Variants in CEP63 observed in about 807,000 individuals in gnomAD.
CEP63 encodes centrosomal protein 63.
CEP63 carries 84 observed loss-of-function variants against 89.1 expected under a neutral mutation model. That is an observed-to-expected ratio of 0.94 (90% CI 0.79 to 1.13). CEP63 has a LOEUF of 1.13. Among genes scored for constraint, CEP63 ranks in the 50% most tolerant of loss-of-function variants. The pLI, the probability that CEP63 is intolerant of heterozygous loss-of-function variation, is 0.00. For missense variants in CEP63, 838 were observed against 813.3 expected, an observed-to-expected ratio of 1.03 and a Z score of -0.37; for synonymous variants, 267 against 272.5, an observed-to-expected ratio of 0.98 and a Z score of 0.20.
chr3:134,670,510 A>G, the CEP63 span, among the ~76,000 whole-genome samples: 2 of 152,358 alleles, frequency 1.3e-5, no homozygotes, highest in South Asian at 2.1e-4. Context: ...GGAGTCAGCC[A>G]GCCATGGAAC....
At chr3:134,675,729 A>G in the CEP63 span, among the ~76,000 whole-genome samples, 1 of 152,258 alleles carries the variant, frequency 6.6e-6, no homozygotes, top group Non-Finnish European at 1.5e-5. Flanking sequence ...CTTTGAATAT[A>G]CATTTCTCCA....
the CEP63 span, among the ~76,000 whole-genome samples, chr3:134,629,881 C>A: frequency 2.4e-4 from 36 of 152,230 alleles, no homozygotes; most frequent in African/African-American, 7.7e-4. Flanking sequence ...CAGATTCAGG[C>A]AAGATGGAGT....
chr3:134,604,916 G>T, the CEP63 span, among the ~76,000 whole-genome samples: 1 of 152,168 alleles, frequency 6.6e-6, no homozygotes, highest in East Asian at 1.9e-4. Context: ...TGTCAATGCT[G>T]TCATGTCAAC....
the CEP63 span, among the ~76,000 whole-genome samples, chr3:134,775,835 G>A: frequency 2.6e-5 from 4 of 152,144 alleles, no homozygotes; most frequent in Admixed American, 2.6e-4. Context: ...CATTTGATGT[G>A]GAATGGTGCC....
At chr3:134,604,207 C>A in the CEP63 span, 1 of 1,612,642 alleles carries the variant, frequency 6.2e-7, no homozygotes. Flanking sequence ...CCAGCTGGGG[C>A]CCACGGGCTG....
chr3:134,569,869 A>G (rs951949389), downstream of CEP63, among the ~76,000 whole-genome samples: 1 of 152,150 alleles, frequency 6.6e-6, no homozygotes, highest in Non-Finnish European at 1.5e-5. Flanking sequence ...GCGTTTCTAT[A>G]CACCCTCTGA....
the CEP63 span, chr3:134,610,428 T>G: frequency 1.9e-6 from 3 of 1,555,296 alleles, no homozygotes; most frequent in Admixed American, 5.3e-5. Context: ...CCGCTGTGGC[T>G]TGCCTCCAAG....
chr3:134,486,109 T>TA lies in CEP63; in HGVS notation c.-115dup. Reference sequence around the variant, plus strand: ...CTGGAGAAGGCATTGTTTCAATTATTAAAAGTGTGGGGGCAGTGGGCGGAA... The same window carrying TA: ...CTGGAGAAGGCATTGTTTCAATTATTAAAAAGTGTGGGGGCAGTGGGCGGAA... On this transcript the variant is annotated 5_prime_UTR_variant, in exon 1 of 15. Transcript: ENST00000675561. 1.0e-6 allele frequency: 1 copy of TA among 985,474 alleles called. No individual in the cohort carries two copies. Among genetic ancestry groups the TA allele is most frequent in the Non-Finnish European group, 1.2e-6 (1 of 830,008 alleles). The allele number at this position is 985,474 out of a possible 1,614,324, so 61.0% of individuals were successfully genotyped here. A position where few individuals can be genotyped will look rare whatever the true frequency, so the allele number is the denominator to read the frequency against.
At chr3:134,699,005 C>T in the CEP63 span, among the ~76,000 whole-genome samples, 3 of 152,158 alleles carry the variant, frequency 2.0e-5, no homozygotes, top group Non-Finnish European at 4.4e-5. Context: ...ACTGAGGCCT[C>T]TCACTACTTG....
the CEP63 span, chr3:134,627,962 A>G: frequency 3.0e-6 from 2 of 659,240 alleles, no homozygotes; most frequent in East Asian, 2.7e-5. Flanking sequence ...CACCCCACTG[A>G]CCACTGAATT....
chr3:134,769,584 A>T, the CEP63 span, among the ~76,000 whole-genome samples: 1 of 152,248 alleles, frequency 6.6e-6, no homozygotes, highest in Non-Finnish European at 1.5e-5. Flanking sequence ...TGCCTTGTAC[A>T]TAATTGAAGT....
rs561635108 is a variant in CEP63 at position 134,580,339 on chromosome 3, T to C, written c.1207-7119T>C. ...GTATGTGGAAGCTTTCTGGGGTAAC[T>C]GAAATGTTCTAAAACTGGATTGTGG... On this transcript the variant is annotated intron_variant, in intron 10 of 10. Transcript: ENST00000683931. 3.3e-5 allele frequency among the ~76,000 whole-genome samples: 5 copies of C among 152,258 alleles called. No individual in the cohort carries two copies. In the East Asian group the frequency reaches 9.6e-4, roughly 29 times the overall value.
chr3:134,487,461 C>T (rs904072055), intron 1 of CEP63, among the ~76,000 whole-genome samples: 1 of 152,184 alleles, frequency 6.6e-6, no homozygotes, highest in Non-Finnish European at 1.5e-5. Flanking sequence ...CATTTCCTCT[C>T]GTTAAAATGG....
At chr3:134,707,739 C>CTTTTTTTTTTTTTTT in the CEP63 span, among the ~76,000 whole-genome samples, 1 of 120,456 alleles carries the variant, frequency 8.3e-6, no homozygotes, top group Non-Finnish European at 1.7e-5. Context: ...TGATTCTTTT[C>CTTTTTTTTTTTTTTT]TTTTTTTTTT....
intron 3 of CEP63, among the ~76,000 whole-genome samples, chr3:134,527,749 C>T (rs1948958170): frequency 6.6e-6 from 1 of 152,202 alleles, no homozygotes; most frequent in Non-Finnish European, 1.5e-5. Context: ...TGCAGTCCCC[C>T]AGGCCACCCA....
At chr3:134,519,249 G>C (rs940464081) in intron 3 of CEP63, among the ~76,000 whole-genome samples, 1 of 151,686 alleles carries the variant, frequency 6.6e-6, no homozygotes, top group Non-Finnish European at 1.5e-5. Flanking sequence ...TCAGCCTCTC[G>C]AGTAGCTGGG....
At chr3:134,756,081 G>A in the CEP63 span, among the ~76,000 whole-genome samples, 4 of 152,196 alleles carry the variant, frequency 2.6e-5, no homozygotes, top group African/African-American at 9.7e-5. Context: ...CCTTTGTGCT[G>A]GGAACTTGCC....
chr3:134,660,270 C>T, the CEP63 span, among the ~76,000 whole-genome samples: 10 of 152,216 alleles, frequency 6.6e-5, no homozygotes, highest in Non-Finnish European at 1.0e-4. Flanking sequence ...GAGGGATGAG[C>T]GGCTTTGGGG....
chr3:134,781,945 A>G, the CEP63 span, among the ~76,000 whole-genome samples: 123 of 152,316 alleles, frequency 8.1e-4, no homozygotes, highest in African/African-American at 2.8e-3. Context: ...AAACAAGGAG[A>G]GTAGGCATCC....
Sources: allele counts gnomAD v4.1 joint callset (sites outside exome capture counted in the v4.1 genomes callset), GRCh38; gene constraint gnomAD v4.1.1; transcripts MANE v1.5; gene names NCBI Gene and HGNC (gene_info 2026-07-23, HGNC 2026-07-21).